The following MTHFSD variants were observed in gnomAD, a reference collection of about 807,000 sequenced individuals.
MTHFSD encodes methenyltetrahydrofolate synthetase domain containing.
MTHFSD carries 37 observed loss-of-function variants against 31.1 expected under a neutral mutation model. The ratio of observed to expected loss-of-function variants is 1.19; its 90% CI spans 0.91 to 1.56. The LOEUF (loss-of-function observed/expected upper bound fraction) is 1.56, where lower values mean the gene tolerates loss of function less well. Ranked by LOEUF, MTHFSD falls within the 40% of genes most tolerant of loss-of-function variation. The pLI is 0.00. For missense variants in MTHFSD, 664 were observed against 510.1 expected, an observed-to-expected ratio of 1.30 and a Z score of -2.91; for synonymous variants, 221 against 206.9, an observed-to-expected ratio of 1.07 and a Z score of -0.59.
rs1330210154 is a variant in MTHFSD at position 86,542,570 on chromosome 16, AC to A, written c.443-358del. The A allele has an allele frequency of 5.2e-6, 1 of 191,720 alleles. No homozygotes were observed. The highest frequency in any genetic ancestry group is 2.3e-5 in the African/African-American group (1 of 42,584). 11.9% of individuals were successfully genotyped at this position (191,720 alleles called of 1,614,324 possible). A position where few individuals can be genotyped will look rare whatever the true frequency, so the allele number is the denominator to read the frequency against. ...AGAGCAGTTCTCAAAAAGACTAAAA[AC>A]AAATTCCCACTGAAAGCAAAACATG... On this transcript the variant is annotated intron_variant, in intron 5 of 7. Transcript: ENST00000360900. This position sits in a 1 kb window ranked among gnomAD's most constrained non-coding sequence, Gnocchi z 4.6.
intron 7 of MTHFSD, among the ~76,000 whole-genome samples, chr16:86,539,801 G>A (rs909752885): frequency 2.0e-5 from 3 of 152,152 alleles, no homozygotes; most frequent in Non-Finnish European, 2.9e-5. Context: ...CTGTCTTTGC[G>A]TATTGAAAAT....
chr16:86,550,604 G>A (rs111386106), intron 3 of MTHFSD, among the ~76,000 whole-genome samples: 1 of 152,218 alleles, frequency 6.6e-6, no homozygotes, highest in Admixed American at 6.5e-5. Context: ...GAGGAGCAGA[G>A]ATGGCTCCCA....
chr16:86,552,390 C>G (rs1233092653), intron 2 of MTHFSD: 2 of 1,007,096 alleles, frequency 2.0e-6, no homozygotes, highest in Non-Finnish European at 2.9e-6. Context: ...CAGACAGGCA[C>G]TAACAGTCAC....
chr16:86,543,557 C>T (rs1384880171), intron 5 of MTHFSD, among the ~76,000 whole-genome samples: 1 of 152,230 alleles, frequency 6.6e-6, no homozygotes, highest in Non-Finnish European at 1.5e-5. Flanking sequence ...CGTGAGAACA[C>T]CGTGCAGTTC....
At chr16:86,541,007 G>C in intron 7 of MTHFSD, 2 of 1,175,516 alleles carry the variant, frequency 1.7e-6, no homozygotes, top group Non-Finnish European at 2.1e-6. Context: ...AACGGTGAAT[G>C]ATTTGGGATT....
At chr16:86,544,732 T>C (rs368285031) in intron 5 of MTHFSD, among the ~76,000 whole-genome samples, 3 of 152,214 alleles carry the variant, frequency 2.0e-5, no homozygotes, top group East Asian at 3.8e-4. Flanking sequence ...TTATAAATCA[T>C]TCTACTCTAA....
chr16:86,541,893 G>A lies in MTHFSD; in HGVS notation c.556-71C>T, dbSNP rs1017133502. 8.6e-5 allele frequency: 137 copies of A among 1,588,872 alleles called. No individual in the cohort carries two copies. In the African/African-American group the frequency reaches 1.8e-3, roughly 21 times the overall value. On this transcript the variant is annotated intron_variant, in intron 6 of 7. Coordinates refer to ENST00000360900, the MANE Select transcript of MTHFSD (RefSeq NM_001159377.2). ...GCAGTCGTGCACACTGCCCCGCTCG[G>A]TGGGAACGTGAGGCTGGCTAGAGAA...
In MTHFSD at chr16:86,552,196, G is replaced by A. The variant is rs767847970; in HGVS notation, c.124-50C>T. On this transcript the variant is annotated intron_variant, in intron 2 of 7. Transcript: ENST00000360900. ...GCACTTACTTCAAGGACGAAGAAGC[G>A]AGCACTTTTCTGGGGGGCATCAGGA... 30 of 1,613,998 alleles carry A rather than the reference G, an allele frequency of 1.9e-5. No individual in the cohort carries two copies. In the South Asian group the frequency reaches 2.2e-4, roughly 12 times the overall value.
intron 7 of MTHFSD, among the ~76,000 whole-genome samples, chr16:86,534,524 CCA>C (rs1970410958): frequency 6.6e-6 from 1 of 152,186 alleles, no homozygotes; most frequent in African/African-American, 2.4e-5. Context: ...CTAAGCCCAA[CCA>C]CCCCAACCTC....
At chr16:86,555,097 G>C in intron 1 of MTHFSD, 72 bp downstream of exon 1, 1 of 1,517,842 alleles carries the variant, frequency 6.6e-7, no homozygotes, top group Non-Finnish European at 8.8e-7. Context: ...CGGTGGCCCC[G>C]CCTCGACCCT....
intron 7 of MTHFSD, among the ~76,000 whole-genome samples, chr16:86,540,333 A>C (rs1470403342): frequency 1.3e-5 from 2 of 152,146 alleles, no homozygotes; most frequent in East Asian, 3.9e-4. Context: ...CCTCCCCCAC[A>C]GTGCTGACCC....
chr16:86,541,276 G>T (rs1971471456), intron 7 of MTHFSD: 17 of 1,125,780 alleles, frequency 1.5e-5, no homozygotes, highest in African/African-American at 3.4e-5. Flanking sequence ...TCTGCTTGAA[G>T]ATCCAGATCG....
At chr16:86,536,893 C>G (rs1049987250) in intron 7 of MTHFSD, among the ~76,000 whole-genome samples, 2 of 152,242 alleles carry the variant, frequency 1.3e-5, no homozygotes, top group African/African-American at 4.8e-5. Flanking sequence ...CGTGGTTCCC[C>G]TCACGCAGAC....
At chr16:86,535,123 A>T (rs1157704531) in intron 7 of MTHFSD, 1 of 557,268 alleles carries the variant, frequency 1.8e-6, no homozygotes, top group Admixed American at 6.3e-5. Context: ...CAAATATACA[A>T]TCGGCTGAAG....
chr16:86,550,519 G>C (rs1476822446), intron 3 of MTHFSD, among the ~76,000 whole-genome samples: 2 of 152,202 alleles, frequency 1.3e-5, no homozygotes, highest in East Asian at 1.9e-4. Flanking sequence ...GGCTGAGTCA[G>C]AATCCTGGCT....
chr16:86,551,884 A>G, intron 3 of MTHFSD, 149 bp downstream of exon 3: 5 of 1,441,374 alleles, frequency 3.5e-6, no homozygotes, highest in Non-Finnish European at 4.6e-6. Context: ...TTCTTGGAAA[A>G]ATCACCACCA....
intron 7 of MTHFSD, among the ~76,000 whole-genome samples, chr16:86,541,361 G>A (rs528915617): frequency 1.2e-3 from 176 of 151,728 alleles, no homozygotes; most frequent in Non-Finnish European, 1.8e-3. Flanking sequence ...AGCTTGCTGC[G>A]CCTGGGATGG....
rs1365295857 is a variant in MTHFSD at position 86,531,586 on chromosome 16, G to C, written c.*425C>G. The C allele has an allele frequency of 6.4e-6, 1 of 155,430 alleles. No individual in the cohort carries two copies. The highest frequency in any genetic ancestry group is 1.4e-5 in the Non-Finnish European group (1 of 70,382). The allele number at this position is 155,430 out of a possible 1,614,324, so 9.6% of individuals were successfully genotyped here. On this transcript the variant is annotated 3_prime_UTR_variant, in exon 8 of 8. Coordinates refer to ENST00000360900, the MANE Select transcript of MTHFSD (RefSeq NM_001159377.2). This position sits in a 1 kb window ranked among gnomAD's most constrained non-coding sequence, Gnocchi z 5.5. ...GCCCAAGGGCGCGCTTCTGTACCCA[G>C]CATCCAGTCCCTGCCAGGGCCTTTT...
intron 1 of MTHFSD, 192 bp from the exon 2 acceptor site, chr16:86,554,943 TC>T: frequency 2.4e-6 from 3 of 1,229,158 alleles, no homozygotes; most frequent in Non-Finnish European, 2.2e-6. Flanking sequence ...CCCTCCCGCC[TC>T]GTCTTCTCGT....
Sources: allele counts gnomAD v4.1 joint callset (sites outside exome capture counted in the v4.1 genomes callset), GRCh38; gene constraint gnomAD v4.1.1; non-coding constraint Gnocchi (gnomAD v3.1); transcripts MANE v1.5; gene names NCBI Gene and HGNC (gene_info 2026-07-23, HGNC 2026-07-21).